Variants in ARHGAP19 observed in about 807,000 individuals in gnomAD.
ARHGAP19 encodes rho GTPase-activating protein 19.
A neutral mutation model predicts 60.9 loss-of-function variants in ARHGAP19; 48 were observed. That is an observed-to-expected ratio of 0.79 (90% CI 0.62 to 1.00). ARHGAP19 has a LOEUF of 1.00. ARHGAP19 is among the 50% of genes least tolerant of loss of function. ARHGAP19 has a pLI of 0.00. For synonymous variants in ARHGAP19, 209 were observed against 215.5 expected (o/e 0.97, Z 0.27); for missense variants, 562 against 597.2 (o/e 0.94, Z 0.61).
intron 1 of ARHGAP19, among the ~76,000 whole-genome samples, chr10:97,271,376 TA>T (rs1842957782): frequency 6.6e-6 from 1 of 151,576 alleles, no homozygotes; most frequent in Non-Finnish European, 1.5e-5. Context: ...AAAGTAATAA[TA>T]AAATACAAGA....
intron 8 of ARHGAP19, among the ~76,000 whole-genome samples, chr10:97,242,410 C>T (rs1358809536): frequency 5.3e-5 from 8 of 149,820 alleles, no homozygotes; most frequent in East Asian, 3.9e-4. Flanking sequence ...CTCAGCTCAC[C>T]GCAACCTCCA....
intron 11 of ARHGAP19, among the ~76,000 whole-genome samples, chr10:97,226,728 T>C (rs1019167395): frequency 7.2e-5 from 11 of 152,224 alleles, no homozygotes; most frequent in African/African-American, 1.4e-4. Flanking sequence ...GTGAAGTAAA[T>C]ACAGTAAATC....
intron 1 of ARHGAP19, among the ~76,000 whole-genome samples, chr10:97,287,419 A>C (rs1843169655): frequency 6.6e-6 from 1 of 152,188 alleles, no homozygotes; most frequent in Admixed American, 6.6e-5. Context: ...ATAACATGGG[A>C]ATCTTTATAG....
Position 97,292,581 on chromosome 10 carries a change from G to C in ARHGAP19, c.47C>G (p.Ser16Cys), listed in dbSNP as rs752107486. ...QSEGEVPARE[S>C]GRSDAICSFV... is the part of the protein sequence containing the mutation. Reference sequence around the variant, plus strand: ...ACCAAACTCAGCTCACCTCCGGCCGGATTCGCGGGCTGGCACCTCCCCTTC... The same window carrying C: ...ACCAAACTCAGCTCACCTCCGGCCGCATTCGCGGGCTGGCACCTCCCCTTC... Residue 16 changes from serine (S) to cysteine (C), a missense_variant, in exon 1 of 12, where the codon TCC (serine) becomes TGC (cysteine). Transcript: ENST00000358531. 1 of 1,614,206 alleles carries C rather than the reference G, an allele frequency of 6.2e-7. No individual in the cohort carries two copies. Among genetic ancestry groups the C allele is most frequent in the South Asian group, 1.1e-5 (1 of 91,080 alleles).
intron 8 of ARHGAP19, among the ~76,000 whole-genome samples, chr10:97,240,375 G>T (rs1369672693): frequency 6.6e-6 from 1 of 152,128 alleles, no homozygotes; most frequent in African/African-American, 2.4e-5. Flanking sequence ...TTTAAGGTTG[G>T]GCATGGTGAC....
chr10:97,271,410 A>T (rs1842958296), intron 1 of ARHGAP19, among the ~76,000 whole-genome samples: 1 of 152,152 alleles, frequency 6.6e-6, no homozygotes, highest in Non-Finnish European at 1.5e-5. Flanking sequence ...TGAAAAAAAC[A>T]TGTTTGCTAT....
At chr10:97,265,722 T>C (rs1842889356) in intron 2 of ARHGAP19, 138 bp downstream of exon 2, 2 of 955,280 alleles carry the variant, frequency 2.1e-6, no homozygotes, top group Middle Eastern at 3.4e-4. Context: ...ACTTAAGGTG[T>C]TACTACTTAT....
intron 8 of ARHGAP19, among the ~76,000 whole-genome samples, chr10:97,237,581 A>G (rs933817256): frequency 1.3e-5 from 2 of 152,144 alleles, no homozygotes; most frequent in Admixed American, 1.3e-4. Context: ...TGATAATGAT[A>G]ATAAATGGGC....
chr10:97,272,520 C>T (rs1306416816), intron 1 of ARHGAP19, among the ~76,000 whole-genome samples: 2 of 152,092 alleles, frequency 1.3e-5, no homozygotes. Flanking sequence ...GCCATCTGAA[C>T]CTAGAATTTT....
chr10:97,243,259 G>A (rs1298415142), intron 8 of ARHGAP19, among the ~76,000 whole-genome samples: 1 of 152,146 alleles, frequency 6.6e-6, no homozygotes, highest in East Asian at 1.9e-4. Context: ...CTTCCCCCAA[G>A]GAAGTCCCAG....
At chr10:97,237,323 G>A (rs1461420942) in intron 8 of ARHGAP19, among the ~76,000 whole-genome samples, 7 of 147,530 alleles carry the variant, frequency 4.7e-5, no homozygotes, top group Admixed American at 6.8e-5. Context: ...CCACAAATAA[G>A]GTTCAGATAA....
chr10:97,238,645 T>C (rs995882066), intron 8 of ARHGAP19, among the ~76,000 whole-genome samples: 2 of 152,238 alleles, frequency 1.3e-5, no homozygotes, highest in Admixed American at 6.5e-5. Context: ...TGTTTTTGTG[T>C]TTTAAGCTAA....
chr10:97,274,009 TATATG>T (rs1224220892), intron 1 of ARHGAP19, among the ~76,000 whole-genome samples: 2 of 151,906 alleles, frequency 1.3e-5, no homozygotes, highest in African/African-American at 4.8e-5. Context: ...AACTACATAC[TATATG>T]ATGACATTTA....
At chr10:97,241,759 C>T (rs988555362) in intron 8 of ARHGAP19, among the ~76,000 whole-genome samples, 1 of 151,008 alleles carries the variant, frequency 6.6e-6, no homozygotes, top group Non-Finnish European at 1.5e-5. Context: ...CCTATAATCC[C>T]AGCACTTTGG....
rs1850870673 is a variant in ARHGAP19 at position 97,225,047 on chromosome 10, C to T, written c.*1075G>A. 1 of 152,308 alleles carries T rather than the reference C, an allele frequency of 6.6e-6. No individual in the cohort carries two copies. The highest frequency in any genetic ancestry group is 1.5e-5 in the Non-Finnish European group (1 of 68,118). 9.4% of individuals were successfully genotyped at this position (152,308 alleles called of 1,614,324 possible). A position where few individuals can be genotyped will look rare whatever the true frequency, so the allele number is the denominator to read the frequency against. On this transcript the variant is annotated 3_prime_UTR_variant, in exon 12 of 12. Coordinates refer to ENST00000358531, the MANE Select transcript of ARHGAP19 (RefSeq NM_032900.6). Reference sequence around the variant, plus strand: ...TGCTGCTTGCTTCTTCTTTCTGATCCTAACTTCCTCTCAGGAGACGGTCTA... The same window carrying T: ...TGCTGCTTGCTTCTTCTTTCTGATCTTAACTTCCTCTCAGGAGACGGTCTA...
At chr10:97,226,223 A>G in intron 11 of ARHGAP19, 91 bp from the exon 12 acceptor site, 2 of 1,322,268 alleles carry the variant, frequency 1.5e-6, no homozygotes, top group Non-Finnish European at 2.1e-6. Context: ...GTCTACACTT[A>G]ATATTTTCTC....
intron 1 of ARHGAP19, among the ~76,000 whole-genome samples, chr10:97,279,210 C>T (rs1013281731): frequency 6.6e-6 from 1 of 152,148 alleles, no homozygotes; most frequent in African/African-American, 2.4e-5. Context: ...ACTAAACAGG[C>T]CCTACATGTC....
intron 7 of ARHGAP19, 71 bp from the exon 8 acceptor site, chr10:97,244,230 C>A: frequency 7.4e-7 from 1 of 1,343,900 alleles, no homozygotes. Flanking sequence ...TTACAAAAAC[C>A]TGGAACAAAA....
intron 6 of ARHGAP19, 33 bp from the exon 7 acceptor site, chr10:97,246,370 G>A: frequency 1.3e-5 from 20 of 1,522,820 alleles, no homozygotes; most frequent in Non-Finnish European, 1.8e-5. Flanking sequence ...CCAAAACCCA[G>A]TGATTAGTAG....
Sources: gnomAD v4.1 joint callset for allele counts (sites outside exome capture counted in the v4.1 genomes callset) on GRCh38, gnomAD v4.1.1 for gene constraint, MANE v1.5 for transcripts, NCBI Gene and HGNC (gene_info 2026-07-23, HGNC 2026-07-21) for gene names.